The following RASA1 variants were observed in gnomAD, a reference collection of about 807,000 sequenced individuals.
The protein encoded by RASA1 is RAS p21 protein activator 1.
In RASA1, 25 loss-of-function variants were observed where a neutral mutation model predicts 132.2. The ratio of observed to expected loss-of-function variants is 0.19; its 90% CI spans 0.14 to 0.26. The LOEUF is 0.26. Among genes scored for constraint, RASA1 ranks in the 10% least tolerant of loss-of-function variants. The pLI, the probability that RASA1 is intolerant of heterozygous loss-of-function variation, is 1.00. For synonymous variants in RASA1, 477 were observed against 449.9 expected, an observed-to-expected ratio of 1.06 and a Z score of -0.76; for missense variants, 964 against 1,299.2, an observed-to-expected ratio of 0.74 and a Z score of 3.97.
At chr5:87,278,272 C>A (rs769596034) in intron 1 of RASA1, among the ~76,000 whole-genome samples, 1 of 151,770 alleles carries the variant, frequency 6.6e-6, no homozygotes, top group Admixed American at 6.6e-5. Context: ...ATGGGCCGGG[C>A]GCAGTGGCTC....
At chr5:87,286,811 TAC>T (rs919850166) in intron 1 of RASA1, among the ~76,000 whole-genome samples, 13 of 149,914 alleles carry the variant, frequency 8.7e-5, no homozygotes, top group African/African-American at 2.0e-4. Context: ...CATAAACGTA[TAC>T]ACACACACAC....
intron 1 of RASA1, among the ~76,000 whole-genome samples, chr5:87,275,351 C>T (rs921386407): frequency 1.3e-5 from 2 of 152,212 alleles, no homozygotes; most frequent in Non-Finnish European, 2.9e-5. Flanking sequence ...CACTCCAAAA[C>T]ATAGTGGCTA....
At chr5:87,303,820 T>C (rs1248496129) in intron 1 of RASA1, among the ~76,000 whole-genome samples, 1 of 151,698 alleles carries the variant, frequency 6.6e-6, no homozygotes, top group Non-Finnish European at 1.5e-5. Flanking sequence ...AAATGTCTGT[T>C]ATCTTTGATA....
intron 1 of RASA1, among the ~76,000 whole-genome samples, chr5:87,269,640 C>G (rs112686129): frequency 0.032 from 4,843 of 152,216 alleles, 162 homozygotes; most frequent in African/African-American, 0.074. Context: ...AATATTAACG[C>G]ACTGCTTTTA....
chr5:87,299,974 T>C (rs942587378), intron 1 of RASA1, among the ~76,000 whole-genome samples: 1 of 152,204 alleles, frequency 6.6e-6, no homozygotes, highest in South Asian at 2.1e-4. Context: ...TAAGGAGTTA[T>C]ACTATTTTCT....
At chr5:87,359,404 A>G (rs1384644308) in intron 9 of RASA1, among the ~76,000 whole-genome samples, 1 of 152,238 alleles carries the variant, frequency 6.6e-6, no homozygotes, top group East Asian at 1.9e-4. Flanking sequence ...CTAGGACTTG[A>G]AAAGTGATGT....
intron 1 of RASA1, chr5:87,330,951 T>C: frequency 1.4e-6 from 2 of 1,434,062 alleles, no homozygotes; most frequent in Admixed American, 3.0e-5. Context: ...CCATGTGCCT[T>C]GTGAAGTCAT....
At chr5:87,303,759 T>C (rs941454338) in intron 1 of RASA1, among the ~76,000 whole-genome samples, 6 of 151,992 alleles carry the variant, frequency 3.9e-5, no homozygotes, top group Non-Finnish European at 8.8e-5. Context: ...AATTCATAAT[T>C]CTAGATATGC....
chr5:87,354,403 A>G (rs1332408311), intron 9 of RASA1, among the ~76,000 whole-genome samples: 1 of 151,968 alleles, frequency 6.6e-6, no homozygotes, highest in Non-Finnish European at 1.5e-5. Flanking sequence ...TCACTATTAT[A>G]TGTTATGTTG....
At chr5:87,338,175 A>C (rs543290577) in intron 5 of RASA1, 84 bp downstream of exon 5, 1 of 1,582,956 alleles carries the variant, frequency 6.3e-7, no homozygotes, top group Non-Finnish European at 8.6e-7. Context: ...GAAAGTAGCT[A>C]TGAATACATT....
At chr5:87,358,898 C>T (rs1561307840) in intron 9 of RASA1, among the ~76,000 whole-genome samples, 1 of 152,128 alleles carries the variant, frequency 6.6e-6, no homozygotes. Context: ...ATCCACTAGC[C>T]TCACTCTTAC....
chr5:87,338,876 A>G (rs1758234308), intron 5 of RASA1, among the ~76,000 whole-genome samples: 3 of 152,032 alleles, frequency 2.0e-5, no homozygotes, highest in Admixed American at 1.3e-4. Context: ...TACATTTTGA[A>G]TCTCGTCCTT....
chr5:87,291,076 AGT>A (rs1754892186), intron 1 of RASA1, among the ~76,000 whole-genome samples: 2 of 152,198 alleles, frequency 1.3e-5, no homozygotes, highest in Non-Finnish European at 2.9e-5. Flanking sequence ...ACCTGTAGTG[AGT>A]GAGAGTTCCT....
Position 87,380,551 on chromosome 5 carries a change from G to T in RASA1, c.2646G>T (p.Gln882His). Reference protein sequence around the residue: ...YIYGCLQKSVQHKWPTNTTMR... With the variant: ...YIYGCLQKSVHHKWPTNTTMR... ...ATGGGTGTTTACAGAAATCTGTTCA[G>T]CATAAGTGGCCTACAAATACCACCA... is the stretch of plus-strand genomic sequence containing the variant. The change falls in exon 20 of 25, where the codon CAG becomes CAT. Residue 882 changes from glutamine to histidine, a missense_variant. By Grantham distance (24) the Gln-to-His change is conservative (BLOSUM62 0). Around this residue, in one of 6 missense-constraint regions of RASA1, gnomAD observed 346 missense variants for 520.1 expected, o/e 0.67. Coordinates refer to ENST00000274376, the MANE Select transcript of RASA1 (RefSeq NM_002890.3). 6.2e-7 allele frequency: 1 copy of T among 1,613,412 alleles called. No homozygotes were observed. The highest frequency in any genetic ancestry group is 8.5e-7 in the Non-Finnish European group (1 of 1,179,542).
intron 1 of RASA1, among the ~76,000 whole-genome samples, chr5:87,298,938 A>G (rs1452797448): frequency 6.6e-6 from 1 of 152,226 alleles, no homozygotes; most frequent in Non-Finnish European, 1.5e-5. Flanking sequence ...ACTTTTTGAC[A>G]GTTAAATAAT....
Position 87,346,715 on chromosome 5 carries a change from C to A in RASA1, c.1093C>A (p.Leu365Ile). Residue 365 changes from leucine (L) to isoleucine (I), a missense_variant, in exon 7 of 25, where the codon CTA becomes ATA. Transcript: ENST00000274376. ...TTCCAAACAGGAAGCTTATAATTTA[C>A]TAATGACAGGTACTTACATATTTAC... is the stretch of plus-strand genomic sequence containing the variant. ...KISKQEAYNL[L>I]MTVGQVCSFL... The A allele has an allele frequency of 6.4e-7, 1 of 1,550,618 alleles. No individual in the cohort carries two copies. Among genetic ancestry groups the A allele is most frequent in the South Asian group, 1.1e-5 (1 of 89,296 alleles).
chr5:87,370,046 A>G (rs1182678838), intron 12 of RASA1, 146 bp downstream of exon 12: 1 of 776,050 alleles, frequency 1.3e-6, no homozygotes, highest in African/African-American at 1.8e-5. Context: ...ATGAGATTTC[A>G]TATGTAAAAA....
At chr5:87,287,285 C>CAT (rs1190648536) in intron 1 of RASA1, among the ~76,000 whole-genome samples, 6 of 142,170 alleles carry the variant, frequency 4.2e-5, no homozygotes, top group East Asian at 2.1e-4. Context: ...ATATACACAC[C>CAT]ATATATATAC....
intron 1 of RASA1, among the ~76,000 whole-genome samples, chr5:87,279,790 T>C (rs2112243086): frequency 6.6e-6 from 1 of 152,344 alleles, no homozygotes; most frequent in Admixed American, 6.5e-5. Flanking sequence ...ATAAGATACA[T>C]GCATATATAA....
Sources: gnomAD v4.1 joint callset for allele counts (sites outside exome capture counted in the v4.1 genomes callset) on GRCh38, gnomAD v4.1.1 for gene constraint, gnomAD v4.1.1 regional missense constraint, MANE v1.5 for transcripts, NCBI Gene and HGNC (gene_info 2026-07-23, HGNC 2026-07-21) for gene names.